Variants in SHISA9 observed in about 807,000 individuals in gnomAD.
The protein encoded by SHISA9 is shisa family member 9.
In SHISA9, 13 loss-of-function variants were observed where a neutral mutation model predicts 38.0. The observed-to-expected ratio is 0.34, with a 90% CI of 0.22 to 0.54. SHISA9 has a LOEUF of 0.54. Among genes scored for constraint, SHISA9 ranks in the 20% least tolerant of loss-of-function variants. SHISA9 has a pLI of 0.91. For synonymous variants in SHISA9, 275 were observed against 242.0 expected (o/e 1.14, Z -1.27); for missense variants, 538 against 575.8 (o/e 0.93, Z 0.67).
At chr16:12,923,488 A>G (rs1198931041) in intron 2 of SHISA9, among the ~76,000 whole-genome samples, 1 of 152,086 alleles carries the variant, frequency 6.6e-6, no homozygotes, top group East Asian at 1.9e-4. Flanking sequence ...AGATCATGCC[A>G]CTGCACTCCA....
the SHISA9 span, among the ~76,000 whole-genome samples, chr16:13,335,664 G>A: frequency 2.0e-5 from 3 of 152,132 alleles, no homozygotes; most frequent in Non-Finnish European, 4.4e-5. Context: ...CTCCTCATCT[G>A]TCAAACTGCC....
intron 2 of SHISA9, among the ~76,000 whole-genome samples, chr16:13,200,884 T>G (rs1268242524): frequency 7.4e-6 from 1 of 135,658 alleles, no homozygotes; most frequent in Non-Finnish European, 1.6e-5. Flanking sequence ...TATCTCTGCC[T>G]GTTTCCATTT....
At chr16:13,331,071 A>G in the SHISA9 span, among the ~76,000 whole-genome samples, 1 of 152,212 alleles carries the variant, frequency 6.6e-6, no homozygotes, top group African/African-American at 2.4e-5. Flanking sequence ...GTTAATTATG[A>G]AGAGTCAGAA....
At chr16:13,246,803 C>G in the SHISA9 span, among the ~76,000 whole-genome samples, 2 of 151,746 alleles carry the variant, frequency 1.3e-5, no homozygotes, top group African/African-American at 4.8e-5. Context: ...CTAGAATTTC[C>G]TTAACAAATA....
the SHISA9 span, among the ~76,000 whole-genome samples, chr16:13,388,083 T>A: frequency 6.6e-6 from 1 of 152,184 alleles, no homozygotes; most frequent in Non-Finnish European, 1.5e-5. Context: ...CATTCCATCC[T>A]GGGAGCTCTA....
At chr16:13,456,834 G>A in the SHISA9 span, among the ~76,000 whole-genome samples, 2 of 152,174 alleles carry the variant, frequency 1.3e-5, no homozygotes, top group Admixed American at 1.3e-4. Context: ...TCCAAAGCTG[G>A]GGATACTCCA....
the SHISA9 span, among the ~76,000 whole-genome samples, chr16:13,390,590 A>G: frequency 2.6e-5 from 4 of 152,138 alleles, no homozygotes; most frequent in African/African-American, 9.7e-5. Context: ...CACGTTTAAG[A>G]TTTCAAGCTT....
chr16:13,506,599 C>T, the SHISA9 span, among the ~76,000 whole-genome samples: 2 of 151,928 alleles, frequency 1.3e-5, no homozygotes, highest in African/African-American at 2.4e-5. Flanking sequence ...CAAGTGCCTT[C>T]TGTTGAGAAT....
intron 4 of SHISA9, among the ~76,000 whole-genome samples, chr16:13,220,731 T>C (rs566651675): frequency 6.4e-4 from 97 of 152,290 alleles, no homozygotes; most frequent in African/African-American, 2.1e-3. Context: ...TGCAGTTCCA[T>C]CCAGAACCCT....
chr16:13,256,243 T>C, the SHISA9 span, among the ~76,000 whole-genome samples: 6 of 150,868 alleles, frequency 4.0e-5, no homozygotes, highest in African/African-American at 1.5e-4. Flanking sequence ...CCTGTAAATA[T>C]CCATTATTGA....
chr16:12,909,422 A>G (rs912821485), intron 1 of SHISA9: 1 of 985,354 alleles, frequency 1.0e-6, no homozygotes, highest in Non-Finnish European at 1.2e-6. Context: ...AAGTCAACAC[A>G]TAGATTGGAC....
At chr16:13,364,930 G>C in the SHISA9 span, among the ~76,000 whole-genome samples, 1,406 of 152,284 alleles carry the variant, frequency 9.2e-3, 32 homozygotes, top group African/African-American at 0.033. Flanking sequence ...AAGGAGGAAA[G>C]TGGATAGAAA....
At chr16:13,246,850 T>G in the SHISA9 span, among the ~76,000 whole-genome samples, 3 of 150,516 alleles carry the variant, frequency 2.0e-5, no homozygotes, top group Non-Finnish European at 4.4e-5. Context: ...TCTGACTATT[T>G]AAAAAAAAAC....
chr16:13,221,438 C>CT (rs72459669), intron 4 of SHISA9, among the ~76,000 whole-genome samples: 27,172 of 134,716 alleles, frequency 0.2, 2,967 homozygotes, highest in Middle Eastern at 0.25. Flanking sequence ...AATACCTGGA[C>CT]TTTTTTTTTT....
intron 2 of SHISA9, among the ~76,000 whole-genome samples, chr16:13,084,468 G>A (rs748010407): frequency 1.1e-4 from 17 of 152,192 alleles, no homozygotes; most frequent in Non-Finnish European, 2.2e-4. Context: ...GTGCCTTAGA[G>A]TGAGAATGAC....
intron 2 of SHISA9, among the ~76,000 whole-genome samples, chr16:13,174,795 G>C (rs1320443665): frequency 6.6e-6 from 1 of 152,166 alleles, no homozygotes; most frequent in Non-Finnish European, 1.5e-5. Flanking sequence ...AGGTCCAAAG[G>C]AGCCAAGCTG....
intron 2 of SHISA9, among the ~76,000 whole-genome samples, chr16:13,043,046 G>A (rs1001651477): frequency 6.6e-6 from 1 of 152,178 alleles, no homozygotes. Flanking sequence ...TCAATTCGGG[G>A]TGCCTGGACA....
chr16:12,942,182 G>A (rs2071620387), intron 2 of SHISA9, among the ~76,000 whole-genome samples: 1 of 152,216 alleles, frequency 6.6e-6, no homozygotes, highest in Admixed American at 6.5e-5. Flanking sequence ...AGGCACCTCT[G>A]TGCAACCCTT....
At chr16:13,335,527 A>G in the SHISA9 span, among the ~76,000 whole-genome samples, 1 of 152,144 alleles carries the variant, frequency 6.6e-6, no homozygotes, top group East Asian at 1.9e-4. Context: ...AGAAGATGCA[A>G]AATTCTCTTT....
Sources: allele counts gnomAD v4.1 joint callset (sites outside exome capture counted in the v4.1 genomes callset), GRCh38; gene constraint gnomAD v4.1.1; transcripts MANE v1.5; gene names NCBI Gene and HGNC (gene_info 2026-07-23, HGNC 2026-07-21).